Variants in SLC6A12 observed in about 807,000 individuals in gnomAD.
SLC6A12 encodes solute carrier family 6 member 12.
In SLC6A12, 50 loss-of-function variants were observed where a neutral mutation model predicts 73.3. The ratio of observed to expected loss-of-function variants is 0.68; its 90% CI spans 0.54 to 0.86. The LOEUF is 0.86. Among genes scored for constraint, SLC6A12 ranks in the 40% least tolerant of loss-of-function variants. The pLI is 0.00. For synonymous variants in SLC6A12, 304 were observed against 309.2 expected (o/e 0.98, Z 0.18); for missense variants, 648 against 772.8 (o/e 0.84, Z 1.92).
At chr12:189,486 G>A (rs1283568129), downstream of SLC6A12, among the ~76,000 whole-genome samples, 1 of 152,218 alleles carries the variant, frequency 6.6e-6, no homozygotes, top group Non-Finnish European at 1.5e-5. Flanking sequence ...AAGAGTACCT[G>A]AGGTGGCATA....
downstream of SLC6A12, among the ~76,000 whole-genome samples, chr12:187,833 G>A (rs1200322997): frequency 5.3e-5 from 8 of 152,018 alleles, no homozygotes; most frequent in Admixed American, 4.6e-4. Flanking sequence ...TGTTTACAAC[G>A]CCTGAGCTAG....
intron 13 of SLC6A12, 127 bp downstream of exon 13, chr12:195,098 G>T: frequency 1.5e-6 from 1 of 684,508 alleles, no homozygotes; most frequent in South Asian, 1.8e-5. Flanking sequence ...AAGAAGCAGG[G>T]CAACAGCGCA....
intron 13 of SLC6A12, chr12:194,154 G>T (rs2284329): frequency 0.48 from 73,659 of 152,086 alleles, 18,337 homozygotes; most frequent in African/African-American, 0.59. Flanking sequence ...AGCCAGATAT[G>T]GCCAGGTGAG....
At chr12:192,752 C>A (rs1939660390) in intron 14 of SLC6A12, 104 bp from the exon 15 acceptor site, 3 of 1,077,086 alleles carry the variant, frequency 2.8e-6, no homozygotes, top group Non-Finnish European at 4.2e-6. Context: ...TGCACTGCAG[C>A]ACGTCTGTAA....
At chr12:205,473 A>G (rs993643085) in intron 3 of SLC6A12, among the ~76,000 whole-genome samples, 2 of 152,208 alleles carry the variant, frequency 1.3e-5, no homozygotes, top group African/African-American at 2.4e-5. Context: ...ACAACCTCCC[A>G]TGGGGCAGGC....
Position 204,556 on chromosome 12 carries a change from A to T in SLC6A12, c.349+8T>A. 6.2e-7 allele frequency: 1 copy of T among 1,613,912 alleles called. No homozygotes were observed. On this transcript the variant is annotated splice_region_variant and intron_variant, in intron 4 of 15. Coordinates refer to ENST00000684302, the MANE Select transcript of SLC6A12 (RefSeq NM_001122848.3). ...CCCATGAAGGGGAAGGTGGGGGAGGATACATACCCTGGAAGAGGGGGCAGA... is the reference window on the plus strand; with the variant it reads ...CCCATGAAGGGGAAGGTGGGGGAGGTTACATACCCTGGAAGAGGGGGCAGA...
intron 6 of SLC6A12, 90 bp from the exon 7 acceptor site, chr12:200,873 C>A: frequency 2.2e-6 from 3 of 1,372,166 alleles, no homozygotes; most frequent in Non-Finnish European, 3.0e-6. Context: ...TCAGAGCTGA[C>A]CCCACGGATC....
chr12:201,592 G>A (rs1940267043), intron 6 of SLC6A12, 170 bp downstream of exon 6: 2 of 619,526 alleles, frequency 3.2e-6, no homozygotes, highest in Non-Finnish European at 5.9e-6. Flanking sequence ...GTGGGTAGAT[G>A]TGAGAGCGTT....
downstream of SLC6A12, among the ~76,000 whole-genome samples, chr12:188,167 G>A (rs1256455035): frequency 6.6e-6 from 1 of 152,222 alleles, no homozygotes; most frequent in Non-Finnish European, 1.5e-5. Flanking sequence ...CTGGAGCAGG[G>A]GGCGGCGCTG....
intron 1 of SLC6A12, 48 bp from the exon 2 acceptor site, chr12:212,158 G>A (rs535093575): frequency 6.6e-6 from 1 of 152,218 alleles, no homozygotes; most frequent in East Asian, 1.9e-4. Flanking sequence ...GGAGGGTGAG[G>A]GGATAAAAAC....
chr12:198,088 G>T lies in SLC6A12; in HGVS notation c.847-85C>A. On this transcript the variant is annotated intron_variant, in intron 8 of 15. Coordinates refer to ENST00000684302, the MANE Select transcript of SLC6A12 (RefSeq NM_001122848.3). The surrounding 1 kb of genome is among the most constrained non-coding windows in gnomAD (Gnocchi z 4.0). Reference sequence around the variant, plus strand: ...CCGAGATCCAGACCCGTCCCCTGCAGCACCAGCCTGGCCCCTCAGTGCTCC... The same window carrying T: ...CCGAGATCCAGACCCGTCCCCTGCATCACCAGCCTGGCCCCTCAGTGCTCC... 1.9e-6 allele frequency: 2 copies of T among 1,051,632 alleles called. No individual in the cohort carries two copies. The highest frequency in any genetic ancestry group is 1.3e-5 in the South Asian group (1 of 74,536). 65.1% of individuals were successfully genotyped at this position (1,051,632 alleles called of 1,614,324 possible).
intron 3 of SLC6A12, among the ~76,000 whole-genome samples, chr12:207,997 G>C (rs996991991): frequency 6.6e-6 from 1 of 152,208 alleles, no homozygotes; most frequent in Non-Finnish European, 1.5e-5. Flanking sequence ...CAGCATGACA[G>C]GACAGAGGCA....
intron 3 of SLC6A12, among the ~76,000 whole-genome samples, chr12:208,477 T>C (rs1369736474): frequency 6.6e-6 from 1 of 152,244 alleles, no homozygotes; most frequent in Non-Finnish European, 1.5e-5. Context: ...TATCTCTAAA[T>C]GTGAGTATTC....
At chr12:204,719 G>C (rs745980542) in intron 3 of SLC6A12, 21 bp from the exon 4 acceptor site, 2 of 1,613,304 alleles carry the variant, frequency 1.2e-6, no homozygotes, top group South Asian at 2.2e-5. Context: ...GAGAGAGGCA[G>C]GGCTGAGCCA....
intron 6 of SLC6A12, chr12:201,190 C>CTGTGAGGGCATTCAGG: frequency 5.1e-6 from 1 of 196,366 alleles, no homozygotes; most frequent in Non-Finnish European, 1.0e-5. Flanking sequence ...GGGTCCAGTA[C>CTGTGAGGGCATTCAGG]TGTGAGGGCA....
At position 200,657 on chromosome 12, in the gene SLC6A12, T is replaced by A. The variant is rs781227639; in HGVS notation, c.705A>T (p.Thr235=). 1.9e-6 allele frequency: 3 copies of A among 1,614,034 alleles called. No homozygotes were observed. The highest frequency in any genetic ancestry group is 8.5e-7 in the Non-Finnish European group (1 of 1,179,940). ...YFCIWKGVKS[T]GKVVYFTATF... ...AGGAGGCAGGACATCTCACCTTGCC[T>A]GTGGACTTGACCCCCTTCCAGATGC... The change falls in exon 7 of 16, where the codon ACA becomes ACT. Residue 235 remains threonine, a synonymous_variant. Coordinates refer to ENST00000684302, the MANE Select transcript of SLC6A12 (RefSeq NM_001122848.3).
At chr12:200,171 C>A (rs935142514) in intron 7 of SLC6A12, among the ~76,000 whole-genome samples, 8 of 141,002 alleles carry the variant, frequency 5.7e-5, no homozygotes, top group African/African-American at 1.9e-4. Flanking sequence ...TGCAGTGGCG[C>A]TATCTCGGCT....
At chr12:204,833 GC>G in intron 3 of SLC6A12, 135 bp from the exon 4 acceptor site, 1 of 912,366 alleles carries the variant, frequency 1.1e-6, no homozygotes, top group Non-Finnish European at 1.7e-6. Flanking sequence ...CTTTCCAAGG[GC>G]CCACTCCTGC....
At chr12:210,715 C>T (rs958599445) in intron 2 of SLC6A12, 1 of 152,316 alleles carries the variant, frequency 6.6e-6, no homozygotes, top group African/African-American at 2.4e-5. Context: ...ACTAGGGGGC[C>T]CTGGTGCCAG....
Sources: gnomAD v4.1 joint callset for allele counts (sites outside exome capture counted in the v4.1 genomes callset) on GRCh38, gnomAD v4.1.1 for gene constraint, Gnocchi (gnomAD v3.1) non-coding constraint, MANE v1.5 for transcripts, NCBI Gene and HGNC (gene_info 2026-07-23, HGNC 2026-07-21) for gene names.